Variants in EFNA5 observed in about 807,000 individuals in gnomAD.
The protein encoded by EFNA5 is ephrin A5.
A neutral mutation model predicts 22.9 loss-of-function variants in EFNA5; 5 were observed. The observed-to-expected ratio is 0.22, with a 90% CI of 0.11 to 0.46. The LOEUF (loss-of-function observed/expected upper bound fraction) is 0.46. EFNA5 is among the 20% of genes least tolerant of loss of function. The pLI, the probability that EFNA5 is intolerant of heterozygous loss-of-function variation, is 0.99. For synonymous variants in EFNA5, 113 were observed against 112.2 expected, an observed-to-expected ratio of 1.01 and a Z score of -0.04; for missense variants, 237 against 293.3, an observed-to-expected ratio of 0.81 and a Z score of 1.40.
intron 1 of EFNA5, among the ~76,000 whole-genome samples, chr5:107,511,434 T>C (rs755243679): frequency 6.6e-6 from 1 of 152,136 alleles, no homozygotes; most frequent in African/African-American, 2.4e-5. Flanking sequence ...AATATTATGA[T>C]AGAATATAGT....
intron 1 of EFNA5, among the ~76,000 whole-genome samples, chr5:107,578,016 C>T (rs1748963480): frequency 1.3e-5 from 2 of 152,114 alleles, no homozygotes; most frequent in African/African-American, 4.8e-5. Context: ...AGATTTCTCT[C>T]GAATTCTCAA....
At chr5:107,410,251 C>T (rs916519400) in intron 2 of EFNA5, among the ~76,000 whole-genome samples, 1 of 151,840 alleles carries the variant, frequency 6.6e-6, no homozygotes, top group Non-Finnish European at 1.5e-5. Context: ...AGGATGGTCT[C>T]GATCTCCTGA....
intron 1 of EFNA5, among the ~76,000 whole-genome samples, chr5:107,490,409 C>T (rs1746773576): frequency 6.6e-6 from 1 of 152,176 alleles, no homozygotes; most frequent in Non-Finnish European, 1.5e-5. Context: ...GCTTTTAACA[C>T]ATCCCACCCA....
rs576773164 is a variant in EFNA5 at position 107,587,049 on chromosome 5, G to A, written c.125+83440C>T. 1.6e-4 allele frequency among the ~76,000 whole-genome samples: 24 copies of A among 152,272 alleles called. 1 individual carries two copies. The highest frequency in any genetic ancestry group is 2.9e-4 in the Non-Finnish European group (20 of 68,022). On this transcript the variant is annotated intron_variant, in intron 1 of 4. Transcript: ENST00000333274. ...ACTAAATGGATGTATCAGATTTCTT[G>A]TAGATTGCATTTATTTTCACCTATG...
intron 1 of EFNA5, among the ~76,000 whole-genome samples, chr5:107,655,878 T>C (rs942994626): frequency 3.9e-5 from 6 of 152,184 alleles, no homozygotes; most frequent in Non-Finnish European, 5.9e-5. Flanking sequence ...GATCTATTTA[T>C]ACCTCTAACA....
chr5:107,656,911 T>C (rs1750837329), intron 1 of EFNA5, among the ~76,000 whole-genome samples: 1 of 152,110 alleles, frequency 6.6e-6, no homozygotes, highest in Non-Finnish European at 1.5e-5. Context: ...TATAGGTTTT[T>C]TAATATCTTA....
chr5:107,658,229 T>A (rs1750870802), intron 1 of EFNA5, among the ~76,000 whole-genome samples: 1 of 152,174 alleles, frequency 6.6e-6, no homozygotes, highest in Non-Finnish European at 1.5e-5. Context: ...CGGATTTAAG[T>A]TGGAAAGTGT....
chr5:107,529,597 C>G (rs1344046691), intron 1 of EFNA5, among the ~76,000 whole-genome samples: 1 of 152,162 alleles, frequency 6.6e-6, no homozygotes, highest in East Asian at 1.9e-4. Context: ...TGCACCAAGG[C>G]AGAGTGGTTC....
intron 2 of EFNA5, among the ~76,000 whole-genome samples, chr5:107,413,261 CATATTATATG>C (rs1748417609): frequency 6.6e-6 from 1 of 152,080 alleles, no homozygotes; most frequent in Non-Finnish European, 1.5e-5. Context: ...AGAATCAGGG[CATATTATATG>C]GTTAAAAAAA....
chr5:107,523,522 T>C (rs1747637344), intron 1 of EFNA5, among the ~76,000 whole-genome samples: 1 of 152,172 alleles, frequency 6.6e-6, no homozygotes, highest in African/African-American at 2.4e-5. Context: ...GAATCAGCCA[T>C]GAGTGTGTGC....
At chr5:107,451,324 T>G (rs1391315971) in intron 1 of EFNA5, among the ~76,000 whole-genome samples, 1 of 152,238 alleles carries the variant, frequency 6.6e-6, no homozygotes. Flanking sequence ...TGGTTTGTAT[T>G]AGCTGTCTAT....
chr5:107,400,576 G>A (rs1158809836), intron 2 of EFNA5, among the ~76,000 whole-genome samples: 1 of 152,200 alleles, frequency 6.6e-6, no homozygotes, highest in African/African-American at 2.4e-5. Flanking sequence ...AGCTCCAGAA[G>A]CAGGAACCAT....
intron 1 of EFNA5, among the ~76,000 whole-genome samples, chr5:107,499,457 C>A (rs993201795): frequency 2.6e-5 from 4 of 152,236 alleles, no homozygotes; most frequent in African/African-American, 9.6e-5. Context: ...ATTTTCCCTA[C>A]ATGCACATAC....
chr5:107,599,138 A>C (rs1228632162), intron 1 of EFNA5, among the ~76,000 whole-genome samples: 1 of 152,232 alleles, frequency 6.6e-6, no homozygotes, highest in Admixed American at 6.5e-5. Context: ...CAGTAGACAC[A>C]TATTTGAAAT....
chr5:107,494,074 G>A (rs1307894182), intron 1 of EFNA5, among the ~76,000 whole-genome samples: 1 of 152,220 alleles, frequency 6.6e-6, no homozygotes, highest in Non-Finnish European at 1.5e-5. Flanking sequence ...GTTGAGAGAT[G>A]ACGGCGTGCT....
intron 1 of EFNA5, among the ~76,000 whole-genome samples, chr5:107,520,060 G>A (rs959888373): frequency 6.6e-6 from 1 of 152,158 alleles, no homozygotes; most frequent in Non-Finnish European, 1.5e-5. Flanking sequence ...CAGGGCTTAC[G>A]GGGACAGTGT....
intron 4 of EFNA5, among the ~76,000 whole-genome samples, chr5:107,383,032 T>C (rs1482867885): frequency 1.3e-5 from 2 of 152,204 alleles, no homozygotes; most frequent in African/African-American, 4.8e-5. Flanking sequence ...GTAACCACTT[T>C]TCAGGTTCAC....
At chr5:107,670,341 CCG>C in intron 1 of EFNA5, 146 bp downstream of exon 1, 1 of 1,073,206 alleles carries the variant, frequency 9.3e-7, no homozygotes, top group Non-Finnish European at 1.2e-6. Context: ...GCGCTTCCCG[CCG>C]ACGCCTCAAG....
At chr5:107,603,904 T>C (rs1263304910) in intron 1 of EFNA5, among the ~76,000 whole-genome samples, 1 of 152,222 alleles carries the variant, frequency 6.6e-6, no homozygotes, top group African/African-American at 2.4e-5. Context: ...GTTAATCTAC[T>C]TTGCAAGAGA....
Sources: allele counts gnomAD v4.1 joint callset (sites outside exome capture counted in the v4.1 genomes callset), GRCh38; gene constraint gnomAD v4.1.1; transcripts MANE v1.5; gene names NCBI Gene and HGNC (gene_info 2026-07-23, HGNC 2026-07-21).